The following KIAA0753 variants were observed in gnomAD, a reference collection of about 807,000 sequenced individuals.
The protein encoded by KIAA0753 is protein moonraker.
Under a neutral mutation model 116.9 loss-of-function variants are expected in KIAA0753, and 114 were observed. That is an observed-to-expected ratio of 0.98 (90% CI 0.84 to 1.14). The LOEUF is 1.14. KIAA0753 is among the 50% of genes most tolerant of loss of function. The pLI is 0.00. For missense variants in KIAA0753, 1,156 were observed against 1,172.4 expected, an observed-to-expected ratio of 0.99 and a Z score of 0.20; for synonymous variants, 405 against 413.1, an observed-to-expected ratio of 0.98 and a Z score of 0.24.
chr17:6,634,976 T>G, intron 2 of KIAA0753, 35 bp downstream of exon 2: 1 of 1,318,158 alleles, frequency 7.6e-7, no homozygotes, highest in South Asian at 1.2e-5. Flanking sequence ...TTTGAAATAT[T>G]TAATAATAAA....
chr17:6,628,312 G>A lies in KIAA0753; in HGVS notation c.523C>T (p.Leu175Phe), dbSNP rs1971805474. The change falls in exon 3 of 19, where the codon CTT becomes TTT. Residue 175 changes from leucine (L) to phenylalanine (F), a missense_variant. By Grantham distance (22) the Leu-to-Phe change is conservative (BLOSUM62 0). Transcript: ENST00000361413. ...EISSSGAKVY[L>F]YSSHPGQSDL... ...GACTGGCCTGGATGAGATGAGTAAAGGTATACTTTGGCACCAGAGCTGGAG... is the reference window on the plus strand; with the variant it reads ...GACTGGCCTGGATGAGATGAGTAAAAGTATACTTTGGCACCAGAGCTGGAG... The A allele has an allele frequency of 1.2e-6, 2 of 1,614,138 alleles. No individual in the cohort carries two copies. The highest frequency in any genetic ancestry group is 3.3e-5 in the Admixed American group (2 of 60,024).
rs147775225 is a variant in KIAA0753 at position 6,606,828 on chromosome 17, G to C, written c.2009+45C>G. On this transcript the variant is annotated intron_variant, in intron 12 of 18. Coordinates refer to ENST00000361413, the MANE Select transcript of KIAA0753 (RefSeq NM_014804.3). Reference sequence around the variant, plus strand: ...TTGCTAGAACTATCTAGATCAATTAGAACAGGCAAACATCCACTATTCTTC... The same window carrying C: ...TTGCTAGAACTATCTAGATCAATTACAACAGGCAAACATCCACTATTCTTC... 26 of 1,528,874 alleles carry C rather than the reference G, an allele frequency of 1.7e-5. No homozygotes were observed. In the African/African-American group the frequency reaches 3.0e-4, roughly 18 times the overall value. 94.7% of individuals were successfully genotyped at this position (1,528,874 alleles called of 1,614,324 possible). A position where few individuals can be genotyped will look rare whatever the true frequency, so the allele number is the denominator to read the frequency against.
chr17:6,628,754 A>C lies in KIAA0753; in HGVS notation c.94-13T>G. The C allele has an allele frequency of 6.4e-7, 1 of 1,570,210 alleles. No homozygotes were observed. The highest frequency in any genetic ancestry group is 1.2e-5 in the South Asian group (1 of 83,718). On this transcript the variant is annotated splice_polypyrimidine_tract_variant and intron_variant, in intron 2 of 18. Transcript: ENST00000361413. Reference sequence around the variant, plus strand: ...ACTGCAGCTGGTTCTTTAAAAAGCAAATAAAAGTAAGCAGACATCAGAAAA... The same window carrying C: ...ACTGCAGCTGGTTCTTTAAAAAGCACATAAAAGTAAGCAGACATCAGAAAA...
At chr17:6,621,058 C>A in intron 6 of KIAA0753, 60 bp from the exon 7 acceptor site, 1 of 1,514,318 alleles carries the variant, frequency 6.6e-7, no homozygotes, top group South Asian at 1.2e-5. Context: ...GACTTTTAAT[C>A]ACAAAACTGA....
rs1484261806 is a variant in KIAA0753 at position 6,628,331 on chromosome 17, G to C, written c.504C>G (p.Ser168Arg). The C allele has an allele frequency of 6.2e-7, 1 of 1,614,046 alleles. No homozygotes were observed. The highest frequency in any genetic ancestry group is 8.5e-7 in the Non-Finnish European group (1 of 1,180,020). The part of the protein sequence containing the change: ...SHQPSKVEIS[S>R]SGAKVYLYSS... ...AGTAAAGGTATACTTTGGCACCAGA[G>C]CTGGAGATTTCTACTTTGGATGGCT... Residue 168 changes from serine to arginine, a missense_variant, in exon 3 of 19, where the codon AGC (serine) becomes AGG (arginine). By Grantham distance (110) the Ser-to-Arg change is moderately radical. Coordinates refer to ENST00000361413, the MANE Select transcript of KIAA0753 (RefSeq NM_014804.3).
rs145708496 is a variant in KIAA0753 at position 6,589,903 on chromosome 17, G to C, written c.2662C>G (p.Pro888Ala). 2.5e-4 allele frequency: 403 copies of C among 1,613,666 alleles called. 2 individuals carry two copies. The African/African-American group carries it at 5.1e-3, about 20-fold the overall frequency. ...EDSQQKEGRAPLFVPPGMQHS... is the reference protein window; with the variant it reads ...EDSQQKEGRAALFVPPGMQHS... ...TGCATACCCGGTGGGACAAAGAGGG[G>C]AGCTCGGCCTTCTTTCTGTTGAGAA... The change falls in exon 18 of 19, where the codon CCC (proline) becomes GCC (alanine). Residue 888 changes from proline (P) to alanine (A), a missense_variant. Transcript: ENST00000361413.
Position 6,611,833 on chromosome 17 carries a change from AAC to A in KIAA0753, c.1545+84_1545+85del, listed in dbSNP as rs1287121588. The A allele has an allele frequency of 6.6e-6, 7 of 1,056,056 alleles. No homozygotes were observed. In the East Asian group the frequency reaches 1.7e-4, roughly 25 times the overall value. The allele number at this position is 1,056,056 out of a possible 1,614,324, so 65.4% of individuals were successfully genotyped here. ...GGACTGCAGCATCCAATTGCCTGAG[AAC>A]TGGCTCCACCATATACCAGTTTATG... On this transcript the variant is annotated intron_variant, in intron 8 of 18. Transcript: ENST00000361413.
intron 18 of KIAA0753, among the ~76,000 whole-genome samples, chr17:6,588,656 T>C: frequency 6.6e-6 from 1 of 152,356 alleles, no homozygotes; most frequent in East Asian, 1.9e-4. Flanking sequence ...ACTACTATGC[T>C]ACTATATAAA....
intron 16 of KIAA0753, among the ~76,000 whole-genome samples, chr17:6,591,064 A>AG (rs879345492): frequency 0.11 from 9,804 of 88,340 alleles, 821 homozygotes; most frequent in East Asian, 0.34. Flanking sequence ...AAGAAGAAGA[A>AG]GAAGAAGAAG....
intron 18 of KIAA0753, among the ~76,000 whole-genome samples, chr17:6,580,929 CA>C (rs1450005591): frequency 2.6e-4 from 38 of 144,658 alleles, no homozygotes; most frequent in African/African-American, 9.2e-4. Context: ...CACACACACA[CA>C]CCTTCATTTT....
At chr17:6,593,406 G>A (rs1444230480) in intron 16 of KIAA0753, among the ~76,000 whole-genome samples, 8 of 134,182 alleles carry the variant, frequency 6.0e-5, no homozygotes, top group African/African-American at 1.5e-4. Flanking sequence ...AGTGGTTCAC[G>A]CCTGTAATCC....
chr17:6,581,103 A>G (rs1302014883), intron 18 of KIAA0753, among the ~76,000 whole-genome samples: 2 of 152,228 alleles, frequency 1.3e-5, no homozygotes, highest in Admixed American at 1.3e-4. Context: ...AATTTTGCCA[A>G]CCATCCAAAT....
rs1969740381 is a variant in KIAA0753, at chr17:6,599,898, A to C, written c.2088+482T>G. On this transcript the variant is annotated intron_variant, in intron 13 of 18. Transcript: ENST00000361413. The stretch of plus-strand genomic sequence containing the variant: ...GTGGAGCTACAGGGTCTGGCTATAG[A>C]ATTGAGCTTACTGCTTATGGGAGGA... Among the ~76,000 whole-genome samples, 3 of 152,010 alleles carry C rather than the reference A, an allele frequency of 2.0e-5. No individual in the cohort carries two copies. In the South Asian group the frequency reaches 6.3e-4, roughly 32 times the overall value.
In KIAA0753 at chr17:6,579,832, C is replaced by A; in HGVS notation, c.2819G>T (p.Gly940Val). Residue 940 changes from glycine to valine, a missense_variant, in exon 19 of 19, where the codon GGT (glycine) becomes GTT (valine). By Grantham distance (109) the Gly-to-Val change is moderately radical. Transcript: ENST00000361413. The part of the protein sequence containing the change: ...FSEELVDEAL[G>V]AVAAELQDMC... ...ATCCTGAAGTTCAGCAGCCACAGCA[C>A]CCAGAGCTTCATCTACCAGCTCTTC... is the stretch of plus-strand genomic sequence containing the variant. The A allele has an allele frequency of 6.2e-7, 1 of 1,613,866 alleles. No individual in the cohort carries two copies. The highest frequency in any genetic ancestry group is 8.5e-7 in the Non-Finnish European group (1 of 1,179,932).
Position 6,589,826 on chromosome 17 carries a change from T to C in KIAA0753, c.2739A>G (p.Ile913Met). 6.2e-7 allele frequency: 1 copy of C among 1,614,018 alleles called. No homozygotes were observed. Among genetic ancestry groups the C allele is most frequent in the Non-Finnish European group, 8.5e-7 (1 of 1,179,954 alleles). Reference sequence around the variant, plus strand: ...TGAAGGAGCCTACAGCCTCATGAGATATGATCCGAAGGTACTGCTCAAAAC... The same window carrying C: ...TGAAGGAGCCTACAGCCTCATGAGACATGATCCGAAGGTACTGCTCAAAAC... Reference protein sequence around the residue: ...CSRFEQYLRIISHEAVGSFNP... With the variant: ...CSRFEQYLRIMSHEAVGSFNP... The change falls in exon 18 of 19, where the codon ATA becomes ATG. Residue 913 changes from isoleucine to methionine, a missense_variant. By Grantham distance (10) the Ile-to-Met change is conservative. Coordinates refer to ENST00000361413, the MANE Select transcript of KIAA0753 (RefSeq NM_014804.3).
chr17:6,587,869 C>T lies in KIAA0753; in HGVS notation c.2786+1910G>A, dbSNP rs148807523. On this transcript the variant is annotated intron_variant, in intron 18 of 18. Transcript: ENST00000361413. ...AAGAGACACACGTGAGTGAGAAATG[C>T]CCAAGATTTTCAGAAGATAAACGCA... 4.4e-4 allele frequency among the ~76,000 whole-genome samples: 67 copies of T among 152,152 alleles called. 1 individual carries two copies. In the East Asian group the frequency reaches 0.013, roughly 29 times the overall value.
At chr17:6,620,508 T>G (rs1971239290) in intron 7 of KIAA0753, among the ~76,000 whole-genome samples, 1 of 152,022 alleles carries the variant, frequency 6.6e-6, no homozygotes, top group Non-Finnish European at 1.5e-5. Context: ...AAAATAAACT[T>G]TTTTTAAAGT....
In KIAA0753 at chr17:6,610,001, G is replaced by C. The variant is rs1349814240; in HGVS notation, c.1705C>G (p.Pro569Ala). The C allele has an allele frequency of 6.2e-7, 1 of 1,614,040 alleles. No homozygotes were observed. The highest frequency in any genetic ancestry group is 2.2e-5 in the East Asian group (1 of 44,890). ...CCTTGAGTTTTCACATACCATTTAGGAGACGCTGGTGGGGATGTGGGGTTT... is the reference window on the plus strand; with the variant it reads ...CCTTGAGTTTTCACATACCATTTAGCAGACGCTGGTGGGGATGTGGGGTTT... ...PPNPTSPPAS[P>A]KCAAWLKVKT... Residue 569 changes from proline to alanine, a missense_variant, in exon 9 of 19, where the codon CCT becomes GCT. Pro to Ala is a conservative substitution (Grantham distance 27). Transcript: ENST00000361413.
At chr17:6,586,386 C>T (rs1968576740) in intron 18 of KIAA0753, among the ~76,000 whole-genome samples, 1 of 152,200 alleles carries the variant, frequency 6.6e-6, no homozygotes, top group Non-Finnish European at 1.5e-5. Context: ...GCTTCTAATT[C>T]CTGAGTCTCA....
Sources: gnomAD v4.1 joint callset for allele counts (sites outside exome capture counted in the v4.1 genomes callset) on GRCh38, gnomAD v4.1.1 for gene constraint, MANE v1.5 for transcripts, NCBI Gene and HGNC (gene_info 2026-07-23, HGNC 2026-07-21) for gene names.